DNAH9: variants seen among roughly 807,000 people sequenced by gnomAD.
DNAH9 encodes DNAH9 variant protein.
A neutral mutation model predicts 471.6 loss-of-function variants in DNAH9; 345 were observed. The observed-to-expected ratio is 0.73, with a 90% CI of 0.67 to 0.80. The LOEUF (loss-of-function observed/expected upper bound fraction) is 0.80. DNAH9 is among the 30% of genes least tolerant of loss of function. DNAH9 has a pLI of 0.00. For missense variants in DNAH9, 5,407 were observed against 5,609.2 expected, an observed-to-expected ratio of 0.96 and a Z score of 1.15; for synonymous variants, 2,093 against 2,123.6, an observed-to-expected ratio of 0.99 and a Z score of 0.40.
intron 48 of DNAH9, among the ~76,000 whole-genome samples, chr17:11,831,706 G>GAA (rs1050726002): frequency 2.6e-5 from 4 of 152,176 alleles, no homozygotes; most frequent in Admixed American, 6.5e-5. Flanking sequence ...GCAATGCGGG[G>GAA]AAAACACTCC....
chr17:11,782,150 CTT>C (rs1028270944), intron 39 of DNAH9, among the ~76,000 whole-genome samples: 1 of 152,162 alleles, frequency 6.6e-6, no homozygotes, highest in African/African-American at 2.4e-5. Context: ...TTCCCAAAAT[CTT>C]TATTGGATGC....
rs1398805526 is a variant in DNAH9, at chr17:11,704,090, G to T, written c.5152-113G>T. The stretch of plus-strand genomic sequence containing the variant: ...AGTCAGTGCTGGTGGAAGAGGGAGG[G>T]ATGGGGCTCATGTCACCCACACAAT... On this transcript the variant is annotated intron_variant, in intron 24 of 68. Coordinates refer to ENST00000262442, the MANE Select transcript of DNAH9 (RefSeq NM_001372.4). 4.2e-6 allele frequency: 5 copies of T among 1,183,406 alleles called. No individual in the cohort carries two copies. In the Admixed American group the frequency reaches 9.0e-5, roughly 21 times the overall value. The allele number at this position is 1,183,406 out of a possible 1,614,324, so 73.3% of individuals were successfully genotyped here.
rs1354302157 is a variant in DNAH9, at chr17:11,750,992, TAA to T, written c.6611-1840_6611-1839del. Among the ~76,000 whole-genome samples, 7 of 152,030 alleles carry T rather than the reference TAA, an allele frequency of 4.6e-5. 1 individual carries two copies. The South Asian group carries it at 1.4e-3, about 31-fold the overall frequency. On this transcript the variant is annotated intron_variant, in intron 32 of 68. Transcript: ENST00000262442. ...TGGTTCGCTGTAAAGACCAATAAGA[TAA>T]GTCTATTGTGAGAGTGATTAATGGG...
At chr17:11,830,649 A>G (rs1490336127) in intron 48 of DNAH9, among the ~76,000 whole-genome samples, 1 of 152,220 alleles carries the variant, frequency 6.6e-6, no homozygotes, top group African/African-American at 2.4e-5. Flanking sequence ...TTGAGATTAC[A>G]TGATGTCGTT....
At chr17:11,894,543 T>A (rs778477639) in intron 59 of DNAH9, 47 bp downstream of exon 59, 9 of 1,597,754 alleles carry the variant, frequency 5.6e-6, no homozygotes, top group Middle Eastern at 1.7e-4. Flanking sequence ...TCTCTCAGAA[T>A]TTACCTCTGA....
intron 49 of DNAH9, among the ~76,000 whole-genome samples, chr17:11,851,165 C>A (rs528948744): frequency 7.9e-5 from 12 of 152,024 alleles, no homozygotes; most frequent in African/African-American, 2.9e-4. Context: ...GGCTGGAGTG[C>A]AATGGCATGA....
rs763355629 is a variant in DNAH9, at chr17:11,689,589, A to G, written c.3767A>G (p.Gln1256Arg). ...AGGTTTGATAGCATCCACCCTCATC[A>G]AATGCTGGATGCCAGGCACATCGAG... is the stretch of plus-strand genomic sequence containing the variant. ...PFRFDSIHPH[Q>R]MLDARHIEIQ... Residue 1256 changes from glutamine (Q) to arginine (R), a missense_variant, in exon 20 of 69, where the codon CAA (glutamine) becomes CGA (arginine). Physicochemically the swap from Gln to Arg is conservative, Grantham distance 43. This residue lies in a region of DNAH9 where 4,636 missense variants were observed against 4,900.3 expected (regional missense o/e 0.95). Coordinates refer to ENST00000262442, the MANE Select transcript of DNAH9 (RefSeq NM_001372.4). 1.9e-5 allele frequency: 31 copies of G among 1,613,572 alleles called. No homozygotes were observed. In the Admixed American group the frequency reaches 5.2e-4, roughly 27 times the overall value.
chr17:11,762,674 G>A (rs1387825502), intron 35 of DNAH9, among the ~76,000 whole-genome samples: 2 of 150,190 alleles, frequency 1.3e-5, no homozygotes, highest in African/African-American at 2.4e-5. Context: ...AGTGTTTTTG[G>A]TGTTTTCAAT....
At chr17:11,743,413 C>T (rs1010816578) in intron 30 of DNAH9, among the ~76,000 whole-genome samples, 2 of 152,190 alleles carry the variant, frequency 1.3e-5, no homozygotes, top group Non-Finnish European at 2.9e-5. Context: ...AGTTTTTCCA[C>T]CTCTCTTCTA....
chr17:11,901,160 T>C (rs1477180376), intron 59 of DNAH9, among the ~76,000 whole-genome samples: 2 of 152,106 alleles, frequency 1.3e-5, no homozygotes, highest in African/African-American at 2.4e-5. Context: ...TGTCTGTGCA[T>C]GGGCAGGGGC....
chr17:11,835,727 C>T (rs972225821), intron 49 of DNAH9, among the ~76,000 whole-genome samples: 1 of 152,148 alleles, frequency 6.6e-6, no homozygotes, highest in Non-Finnish European at 1.5e-5. Flanking sequence ...GGGACCTCAT[C>T]CCTACAGATT....
At chr17:11,702,297 G>T (rs545276829) in intron 24 of DNAH9, among the ~76,000 whole-genome samples, 1 of 152,298 alleles carries the variant, frequency 6.6e-6, no homozygotes, top group South Asian at 2.1e-4. Flanking sequence ...TTCCTTATAG[G>T]TTTCTCAGAA....
rs746250627 is a variant in DNAH9, at chr17:11,694,418, ATCCT to A, written c.4845_4848del (p.Leu1616ProfsTer27). The A allele has an allele frequency of 2.5e-6, 4 of 1,613,132 alleles. No homozygotes were observed. In the Admixed American group the frequency reaches 5.0e-5, roughly 20 times the overall value. On this transcript the variant is annotated frameshift_variant, in exon 22 of 69. Coordinates refer to ENST00000262442, the MANE Select transcript of DNAH9 (RefSeq NM_001372.4). LOFTEE classifies it high-confidence loss of function. ...TCTCTCCTCCTCCGATCTGTTAGAC[ATCCT>A]TTCCAACGGCACAGCTCCACAACAG... is the stretch of plus-strand genomic sequence containing the variant.
At chr17:11,723,015 C>A (rs8073778) in intron 27 of DNAH9, 111,459 of 152,056 alleles carry the variant, frequency 0.73, 42,339 homozygotes, top group Admixed American at 0.84. Flanking sequence ...GCACAGTCCT[C>A]CTCCTGAGTC....
chr17:11,924,014 A>G (rs374133137), intron 62 of DNAH9, 73 bp downstream of exon 62: 5 of 1,563,530 alleles, frequency 3.2e-6, no homozygotes, highest in Non-Finnish European at 4.3e-6. Flanking sequence ...GGGCATCTCC[A>G]TCCACTCTTA....
chr17:11,728,110 T>TA, intron 28 of DNAH9, 188 bp downstream of exon 28: 1 of 577,852 alleles, frequency 1.7e-6, no homozygotes, highest in Non-Finnish European at 3.1e-6. Flanking sequence ...ATCCTTCTGT[T>TA]ACCCACCAAA....
intron 60 of DNAH9, among the ~76,000 whole-genome samples, chr17:11,905,242 AAAAAG>A (rs530798610): frequency 2.6e-5 from 4 of 152,004 alleles, no homozygotes; most frequent in Non-Finnish European, 4.4e-5. Context: ...CAAAAAAAAA[AAAAAG>A]AGAGAGAATA....
chr17:11,662,974 C>G (rs963408372), intron 14 of DNAH9, among the ~76,000 whole-genome samples: 1 of 151,626 alleles, frequency 6.6e-6, no homozygotes, highest in Admixed American at 6.6e-5. Flanking sequence ...CCAGGATGGT[C>G]TCGATCTCCT....
intron 61 of DNAH9, among the ~76,000 whole-genome samples, chr17:11,909,978 T>C (rs2190610): frequency 0.18 from 27,280 of 152,172 alleles, 2,686 homozygotes; most frequent in African/African-American, 0.25. Flanking sequence ...TATTCTCGGC[T>C]GGGCGTGGTG....
Sources: gnomAD v4.1 joint callset for allele counts (sites outside exome capture counted in the v4.1 genomes callset) on GRCh38, gnomAD v4.1.1 for gene constraint, gnomAD v4.1.1 regional missense constraint, MANE v1.5 for transcripts, NCBI Gene and HGNC (gene_info 2026-07-23, HGNC 2026-07-21) for gene names.